PCM1: variants seen among roughly 807,000 people sequenced by gnomAD.
The protein encoded by PCM1 is pericentriolar material 1 protein.
In PCM1, 157 loss-of-function variants were observed where a neutral mutation model predicts 241.9. The ratio of observed to expected loss-of-function variants is 0.65; its 90% CI spans 0.57 to 0.74. The LOEUF is 0.74. Ranked by LOEUF, PCM1 falls within the 30% of genes least tolerant of loss-of-function variation. PCM1 has a pLI of 0.00. For synonymous variants in PCM1, 1,085 were observed against 784.9 expected (o/e 1.38, Z -6.39); for missense variants, 3,478 against 2,360.1 (o/e 1.47, Z -9.81).
intron 6 of PCM1, among the ~76,000 whole-genome samples, 188 bp from the exon 7 acceptor site, chr8:17,946,998 G>A (rs1434901018): frequency 6.6e-6 from 1 of 151,716 alleles, no homozygotes; most frequent in East Asian, 1.9e-4. Flanking sequence ...CTCTTAAGTG[G>A]CAGGCTATAT....
chr8:17,975,823 G>A (rs1400245499), intron 23 of PCM1, among the ~76,000 whole-genome samples: 2 of 152,106 alleles, frequency 1.3e-5, no homozygotes, highest in Admixed American at 1.3e-4. Flanking sequence ...AATAGATATT[G>A]CATATGAGGT....
At chr8:18,010,923 A>G (rs568717897) in intron 32 of PCM1, among the ~76,000 whole-genome samples, 1 of 152,210 alleles carries the variant, frequency 6.6e-6, no homozygotes, top group Admixed American at 6.5e-5. Flanking sequence ...TATTGAGCCG[A>G]GATCATGCCA....
At position 17,964,639 on chromosome 8, in the gene PCM1, C is replaced by G. The variant is rs780534847; in HGVS notation, c.2726C>G (p.Ser909Cys). 2.5e-6 allele frequency: 4 copies of G among 1,613,880 alleles called. No individual in the cohort carries two copies. Among genetic ancestry groups the G allele is most frequent in the Admixed American group, 3.3e-5 (2 of 60,004 alleles). Residue 909 changes from serine to cysteine, a missense_variant, in exon 18 of 39, where the codon TCT (serine) becomes TGT (cysteine). Physicochemically the swap from Ser to Cys is moderately radical, Grantham distance 112. Coordinates refer to ENST00000325083, the MANE Select transcript of PCM1 (RefSeq NM_006197.4). ...DEEGDEDGYL[S>C]EGIVRTDEEE... ...GAAGGAGATGAAGACGGTTACCTTT[C>G]TGAAGGAATTGTTCGGACAGATGAA...
intron 29 of PCM1, among the ~76,000 whole-genome samples, chr8:17,995,357 C>T (rs1359200095): frequency 1.3e-5 from 2 of 151,224 alleles, no homozygotes; most frequent in African/African-American, 4.9e-5. Flanking sequence ...GGATTTGTTT[C>T]TGGGTTCTCT....
intron 2 of PCM1, among the ~76,000 whole-genome samples, chr8:17,930,283 G>T (rs2129446927): frequency 6.6e-6 from 1 of 151,734 alleles, no homozygotes; most frequent in Non-Finnish European, 1.5e-5. Flanking sequence ...TGTATTTTTA[G>T]TAGAGGTGAC....
intron 20 of PCM1, 50 bp from the exon 21 acceptor site, chr8:17,966,930 A>G: frequency 2.7e-6 from 4 of 1,468,488 alleles, no homozygotes; most frequent in East Asian, 2.4e-5. Context: ...TGTACTTTAT[A>G]TATATGGCAA....
At chr8:18,006,635 A>G (rs1034935625) in intron 30 of PCM1, among the ~76,000 whole-genome samples, 1 of 152,146 alleles carries the variant, frequency 6.6e-6, no homozygotes, top group Admixed American at 6.5e-5. Context: ...CATGTCTCTT[A>G]TAAGCTTTTA....
chr8:18,014,385 C>A (rs1312824698), intron 35 of PCM1, among the ~76,000 whole-genome samples, 199 bp from the exon 36 acceptor site: 1 of 114,336 alleles, frequency 8.7e-6, no homozygotes, highest in Non-Finnish European at 2.3e-5. Context: ...TTTCAGGAAT[C>A]TGAGTCTTAA....
At chr8:17,930,880 CAA>C (rs571772013) in intron 2 of PCM1, among the ~76,000 whole-genome samples, 6 of 127,578 alleles carry the variant, frequency 4.7e-5, no homozygotes, top group Admixed American at 7.8e-5. Flanking sequence ...ACTCTGTCTC[CAA>C]AAAAAAAAAA....
intron 9 of PCM1, 106 bp from the exon 10 acceptor site, chr8:17,955,364 G>T: frequency 1.4e-6 from 1 of 698,980 alleles, no homozygotes; most frequent in East Asian, 2.8e-5. Context: ...CAGAAATTAA[G>T]TTGTTAATTT....
intron 29 of PCM1, among the ~76,000 whole-genome samples, chr8:17,994,120 A>T (rs1470026493): frequency 6.6e-6 from 1 of 152,178 alleles, no homozygotes; most frequent in Non-Finnish European, 1.5e-5. Context: ...GCTGTTAAAT[A>T]ATAGATCTTA....
At chr8:17,997,207 C>G (rs539798754) in intron 29 of PCM1, among the ~76,000 whole-genome samples, 13 of 151,754 alleles carry the variant, frequency 8.6e-5, no homozygotes, top group African/African-American at 3.1e-4. Flanking sequence ...TGAAACATGT[C>G]ATGACACTCT....
At chr8:17,989,474 T>C (rs1385620193) in intron 26 of PCM1, among the ~76,000 whole-genome samples, 1 of 152,060 alleles carries the variant, frequency 6.6e-6, no homozygotes, top group Non-Finnish European at 1.5e-5. Context: ...TGTGATGTTT[T>C]CTTTTCTGAT....
At chr8:18,026,641 C>T (rs961415801) in intron 38 of PCM1, among the ~76,000 whole-genome samples, 10 of 152,070 alleles carry the variant, frequency 6.6e-5, no homozygotes, top group Non-Finnish European at 4.4e-5. Flanking sequence ...TTTTAAGATG[C>T]AGATAATACC....
At position 18,017,853 on chromosome 8, in the gene PCM1, C is replaced by CA. The variant is rs371622006; in HGVS notation, c.5841+3024dup. On this transcript the variant is annotated intron_variant, in intron 36 of 38. Coordinates refer to ENST00000325083, the MANE Select transcript of PCM1 (RefSeq NM_006197.4). ...GGGCAACAAGAGCAAAACTCCATCT[C>CA]AAAAAAAAAAAGTTCCCAAGGGTTT... Among the ~76,000 whole-genome samples the CA allele has an allele frequency of 5.6e-3, 788 of 141,866 alleles. 7 individuals carry two copies. Among genetic ancestry groups the CA allele is most frequent in the African/African-American group, 0.019 (727 of 38,988 alleles). 93.1% of individuals were successfully genotyped at this position (141,866 alleles called of 152,430 possible). A position where few individuals can be genotyped will look rare whatever the true frequency, so the allele number is the denominator to read the frequency against.
chr8:17,962,307 C>A, intron 16 of PCM1, 133 bp downstream of exon 16: 1 of 506,170 alleles, frequency 2.0e-6, no homozygotes, highest in Non-Finnish European at 3.2e-6. Context: ...CTGCTTTGTG[C>A]CTTTTTTAGT....
intron 17 of PCM1, among the ~76,000 whole-genome samples, chr8:17,963,886 GT>G (rs1230431154): frequency 6.6e-6 from 1 of 152,100 alleles, no homozygotes. Flanking sequence ...AATTTCTGGA[GT>G]TTTGCACCAA....
chr8:17,929,369 C>A (rs980687859), intron 2 of PCM1, among the ~76,000 whole-genome samples: 1 of 152,126 alleles, frequency 6.6e-6, no homozygotes, highest in African/African-American at 2.4e-5. Flanking sequence ...AAGATCTGGT[C>A]TTCTCTTACT....
intron 6 of PCM1, among the ~76,000 whole-genome samples, chr8:17,945,485 T>C (rs1420674075): frequency 6.6e-6 from 1 of 152,332 alleles, no homozygotes; most frequent in East Asian, 1.9e-4. Context: ...CTCTGATGTT[T>C]ACATGAAATA....
Sources: allele counts gnomAD v4.1 joint callset (sites outside exome capture counted in the v4.1 genomes callset), GRCh38; gene constraint gnomAD v4.1.1; transcripts MANE v1.5; gene names NCBI Gene and HGNC (gene_info 2026-07-23, HGNC 2026-07-21).